TMPRSS11A: variants seen among roughly 807,000 people sequenced by gnomAD.
The protein encoded by TMPRSS11A is transmembrane protease serine 11A.
In TMPRSS11A, 53 loss-of-function variants were observed where a neutral mutation model predicts 58.9. The ratio of observed to expected loss-of-function variants is 0.90; its 90% CI spans 0.72 to 1.13. TMPRSS11A has a LOEUF of 1.13. Ranked by LOEUF, TMPRSS11A falls within the 50% of genes most tolerant of loss-of-function variation. The pLI, the probability that TMPRSS11A is intolerant of heterozygous loss-of-function variation, is 0.00. For synonymous variants in TMPRSS11A, 167 were observed against 169.8 expected (o/e 0.98, Z 0.13); for missense variants, 493 against 499.3 (o/e 0.99, Z 0.12).
chr4:67,918,364 GT>G (rs936865945), intron 8 of TMPRSS11A, among the ~76,000 whole-genome samples: 2 of 152,056 alleles, frequency 1.3e-5, no homozygotes, highest in Non-Finnish European at 2.9e-5. Context: ...GGGACAAATA[GT>G]TTGACAATTT....
chr4:67,943,820 G>C (rs556880182), intron 3 of TMPRSS11A, among the ~76,000 whole-genome samples: 1 of 152,096 alleles, frequency 6.6e-6, no homozygotes, highest in African/African-American at 2.4e-5. Context: ...TCTTAAAAAT[G>C]GTTCTTTGAT....
chr4:67,941,209 T>G (rs1720872956), intron 3 of TMPRSS11A, among the ~76,000 whole-genome samples: 1 of 152,186 alleles, frequency 6.6e-6, no homozygotes, highest in Admixed American at 6.6e-5. Flanking sequence ...CTGTCTTCCT[T>G]GGTTGTCTAA....
intron 9 of TMPRSS11A, 100 bp downstream of exon 9, chr4:67,914,488 A>G (rs1238476366): frequency 2.7e-6 from 3 of 1,102,596 alleles, no homozygotes; most frequent in Non-Finnish European, 4.0e-6. Flanking sequence ...TTGAGCTGAC[A>G]TGATATCTAT....
chr4:67,917,995 T>C (rs1720205810), intron 8 of TMPRSS11A, among the ~76,000 whole-genome samples: 1 of 152,206 alleles, frequency 6.6e-6, no homozygotes, highest in South Asian at 2.1e-4. Flanking sequence ...CAAAACCACA[T>C]GGGACATCTG....
chr4:67,960,158 C>G (rs1721390122), intron 1 of TMPRSS11A, among the ~76,000 whole-genome samples: 1 of 152,114 alleles, frequency 6.6e-6, no homozygotes, highest in Non-Finnish European at 1.5e-5. Context: ...CTGCAGACTA[C>G]TAGAGGGGCA....
At chr4:67,957,844 C>A (rs1180401070) in intron 1 of TMPRSS11A, among the ~76,000 whole-genome samples, 1 of 152,100 alleles carries the variant, frequency 6.6e-6, no homozygotes, top group Non-Finnish European at 1.5e-5. Flanking sequence ...AAAATAGTTT[C>A]ATGGGCCAGG....
chr4:67,928,461 C>A (rs1197924635), intron 5 of TMPRSS11A, among the ~76,000 whole-genome samples: 2 of 152,210 alleles, frequency 1.3e-5, no homozygotes, highest in Non-Finnish European at 2.9e-5. Flanking sequence ...AAAGACCAGG[C>A]AGCCAATGAA....
chr4:67,938,253 T>G (rs967164412), intron 3 of TMPRSS11A, among the ~76,000 whole-genome samples: 3 of 152,318 alleles, frequency 2.0e-5, no homozygotes, highest in South Asian at 2.1e-4. Context: ...ATGGCGTTAC[T>G]TGGTTTCTTT....
At chr4:67,953,595 T>G (rs1721213614) in intron 1 of TMPRSS11A, among the ~76,000 whole-genome samples, 1 of 152,084 alleles carries the variant, frequency 6.6e-6, no homozygotes, top group African/African-American at 2.4e-5. Context: ...GGTTGGGAGT[T>G]CGAGACCAGC....
Position 67,922,751 on chromosome 4 carries a change from T to G in TMPRSS11A, c.692+4A>C. 1.9e-6 allele frequency: 3 copies of G among 1,612,972 alleles called. No homozygotes were observed. The highest frequency in any genetic ancestry group is 2.5e-6 in the Non-Finnish European group (3 of 1,179,098). On this transcript the variant is annotated splice_donor_region_variant and intron_variant, in intron 7 of 9. Transcript: ENST00000508048. ...TGGGTTCTAACTTAAGGTCAATAAC[T>G]TACTTCTGGAAGCAGTGTGCTGCAG...
At chr4:67,948,870 G>C (rs1192302013) in intron 1 of TMPRSS11A, among the ~76,000 whole-genome samples, 2 of 151,892 alleles carry the variant, frequency 1.3e-5, no homozygotes, top group African/African-American at 4.8e-5. Flanking sequence ...AATTTCTCCA[G>C]TATAATAGAA....
intron 5 of TMPRSS11A, 134 bp from the exon 6 acceptor site, chr4:67,924,300 G>A (rs747068696): frequency 6.5e-6 from 5 of 765,718 alleles, no homozygotes; most frequent in Non-Finnish European, 1.1e-5. Flanking sequence ...TAGGAGAATG[G>A]CTATCTGATA....
chr4:67,925,871 C>T (rs1019961545), intron 5 of TMPRSS11A, among the ~76,000 whole-genome samples: 11 of 152,042 alleles, frequency 7.2e-5, no homozygotes, highest in East Asian at 1.9e-4. Context: ...TGAATATAAC[C>T]GGATTTTAAG....
intron 2 of TMPRSS11A, 127 bp downstream of exon 2, chr4:67,946,323 A>T: frequency 1.1e-6 from 1 of 903,188 alleles, no homozygotes; most frequent in Non-Finnish European, 1.6e-6. Flanking sequence ...TGAAACAGTT[A>T]AATATACTCT....
At chr4:67,920,550 T>TATATATA (rs374550125) in intron 7 of TMPRSS11A, among the ~76,000 whole-genome samples, 3,583 of 58,278 alleles carry the variant, frequency 0.061, 54 homozygotes, top group Non-Finnish European at 0.075. Flanking sequence ...TATATATATA[T>TATATATA]TTTTTTTTAT....
At chr4:67,923,902 C>T (rs1720395390) in intron 6 of TMPRSS11A, among the ~76,000 whole-genome samples, 1 of 151,974 alleles carries the variant, frequency 6.6e-6, no homozygotes, top group Non-Finnish European at 1.5e-5. Context: ...AAAATAAATG[C>T]TTTCTTCAAA....
chr4:67,929,116 C>A (rs78223682), intron 5 of TMPRSS11A, among the ~76,000 whole-genome samples: 1 of 152,068 alleles, frequency 6.6e-6, no homozygotes, highest in Non-Finnish European at 1.5e-5. Context: ...AAATTTGATT[C>A]TTAGCTCCTT....
chr4:67,924,098 A>T, intron 6 of TMPRSS11A, 30 bp downstream of exon 6: 2 of 1,593,754 alleles, frequency 1.3e-6, no homozygotes, highest in Non-Finnish European at 1.7e-6. Context: ...GTGAAAATTG[A>T]ACTTGTTTAT....
intron 5 of TMPRSS11A, among the ~76,000 whole-genome samples, chr4:67,924,844 G>A (rs997329161): frequency 1.3e-5 from 2 of 152,108 alleles, no homozygotes; most frequent in African/African-American, 4.8e-5. Context: ...GCTACAATTC[G>A]AGATGAGATT....
Sources: allele counts gnomAD v4.1 joint callset (sites outside exome capture counted in the v4.1 genomes callset), GRCh38; gene constraint gnomAD v4.1.1; transcripts MANE v1.5; gene names NCBI Gene and HGNC (gene_info 2026-07-23, HGNC 2026-07-21).